TTLL1: variants seen among roughly 807,000 people sequenced by gnomAD.
TTLL1 encodes TTL family tubulin polyglutamylase complex subunit L1, also known as polyglutamylase complex subunit TTLL1.
A neutral mutation model predicts 47.8 loss-of-function variants in TTLL1; 33 were observed. The observed-to-expected ratio is 0.69, with a 90% CI of 0.52 to 0.92. The LOEUF is 0.92. TTLL1 is among the 40% of genes least tolerant of loss of function. The pLI, the probability that TTLL1 is intolerant of heterozygous loss-of-function variation, is 0.00. For synonymous variants in TTLL1, 225 were observed against 214.1 expected, an observed-to-expected ratio of 1.05 and a Z score of -0.45; for missense variants, 488 against 547.5, an observed-to-expected ratio of 0.89 and a Z score of 1.08.
intron 8 of TTLL1, among the ~76,000 whole-genome samples, chr22:43,057,856 G>A (rs958723327): frequency 6.6e-6 from 1 of 151,898 alleles, no homozygotes; most frequent in African/African-American, 2.4e-5. Context: ...TCCCAGCTCC[G>A]GGGCCTGGGC....
chr22:43,052,765 AAAAAG>A (rs931750641), intron 8 of TTLL1, among the ~76,000 whole-genome samples: 4 of 150,130 alleles, frequency 2.7e-5, no homozygotes, highest in Middle Eastern at 3.5e-3. Flanking sequence ...AACAAACAAA[AAAAAG>A]AAAACTGGCT....
chr22:43,042,166 C>A (rs1925737205), intron 10 of TTLL1, among the ~76,000 whole-genome samples: 1 of 152,198 alleles, frequency 6.6e-6, no homozygotes, highest in South Asian at 2.1e-4. Flanking sequence ...CGTGGCTGCC[C>A]CCAGCAGCTT....
chr22:43,069,954 C>G, intron 3 of TTLL1, 110 bp from the exon 4 acceptor site: 1 of 1,465,182 alleles, frequency 6.8e-7, no homozygotes, highest in Non-Finnish European at 9.1e-7. Flanking sequence ...CACCACTACT[C>G]CCACATCCCC....
chr22:43,050,022 G>A (rs573188916), intron 9 of TTLL1, among the ~76,000 whole-genome samples: 173 of 152,202 alleles, frequency 1.1e-3, no homozygotes, highest in African/African-American at 4.0e-3. Context: ...GCTTGAACCC[G>A]GGAGGCGGGG....
intron 2 of TTLL1, among the ~76,000 whole-genome samples, chr22:43,079,259 A>C (rs13056486): frequency 1.8e-3 from 64 of 35,110 alleles, no homozygotes; most frequent in South Asian, 3.9e-3. Context: ...ATGGGGGCCA[A>C]GGGAGCCGCA....
At chr22:43,040,132 T>G in intron 10 of TTLL1, 2 of 530,160 alleles carry the variant, frequency 3.8e-6, no homozygotes, top group Non-Finnish European at 6.8e-6. Flanking sequence ...CCAGCCTGCC[T>G]ATGTGTACAA....
At chr22:43,081,727 T>C (rs1928903430) in intron 1 of TTLL1, among the ~76,000 whole-genome samples, 1 of 151,766 alleles carries the variant, frequency 6.6e-6, no homozygotes, top group African/African-American at 2.4e-5. Context: ...TTTGTATTTT[T>C]ACTAGAGATG....
At chr22:43,048,039 C>T (rs887080109) in intron 9 of TTLL1, among the ~76,000 whole-genome samples, 3 of 152,048 alleles carry the variant, frequency 2.0e-5, no homozygotes, top group Non-Finnish European at 4.4e-5. Flanking sequence ...TATTAGGGGC[C>T]GGGCGCGGTG....
chr22:43,065,142 C>T (rs994444808), intron 5 of TTLL1, among the ~76,000 whole-genome samples: 4 of 152,032 alleles, frequency 2.6e-5, no homozygotes, highest in African/African-American at 7.2e-5. Flanking sequence ...AAGACTCCAT[C>T]TCAAAAAATA....
At chr22:43,051,352 C>T (rs1209351245) in intron 9 of TTLL1, among the ~76,000 whole-genome samples, 1 of 152,230 alleles carries the variant, frequency 6.6e-6, no homozygotes, top group East Asian at 1.9e-4. Context: ...AATCCACTTC[C>T]AAACTCTACC....
intron 8 of TTLL1, among the ~76,000 whole-genome samples, chr22:43,057,918 A>G (rs1040131343): frequency 2.0e-5 from 3 of 150,600 alleles, no homozygotes; most frequent in African/African-American, 7.4e-5. Flanking sequence ...CAAGACACCC[A>G]CTGGGGAAGC....
chr22:43,087,351 C>G (rs1005964989), intron 1 of TTLL1, among the ~76,000 whole-genome samples: 2 of 151,616 alleles, frequency 1.3e-5, no homozygotes, highest in Admixed American at 6.6e-5. Context: ...ATGGTGAAAC[C>G]CCGTCTCTAC....
chr22:43,067,416 AC>A (rs1485199301), intron 5 of TTLL1, among the ~76,000 whole-genome samples: 54 of 152,284 alleles, frequency 3.5e-4, no homozygotes, highest in Middle Eastern at 3.4e-3. Flanking sequence ...CAAACCCAGG[AC>A]CCTAGGGCCA....
intron 5 of TTLL1, among the ~76,000 whole-genome samples, chr22:43,066,174 T>TAA (rs149083003): frequency 1.4e-5 from 2 of 143,252 alleles, no homozygotes; most frequent in East Asian, 2.1e-4. Context: ...AAAAAAAAAT[T>TAA]AAAAAAAAAA....
At chr22:43,067,821 T>C (rs1379911411) in intron 5 of TTLL1, among the ~76,000 whole-genome samples, 1 of 151,782 alleles carries the variant, frequency 6.6e-6, no homozygotes, top group African/African-American at 2.4e-5. Flanking sequence ...CTTTCTTTTT[T>C]TTAGACAGAA....
At chr22:43,084,169 G>A (rs1929075738) in intron 1 of TTLL1, among the ~76,000 whole-genome samples, 1 of 151,690 alleles carries the variant, frequency 6.6e-6, no homozygotes, top group Admixed American at 6.6e-5. Context: ...TTTCTTTTTT[G>A]AGATGGAGTC....
Position 43,064,282 on chromosome 22 carries a change from G to A in TTLL1, c.546C>T (p.Leu182=). The A allele has an allele frequency of 6.2e-7, 1 of 1,614,064 alleles. No individual in the cohort carries two copies. Among genetic ancestry groups the A allele is most frequent in the Non-Finnish European group, 8.5e-7 (1 of 1,179,990 alleles). ...QSNKEAYVIS[L]YINNPLLIGG... ...CAATTAGTAACGGGTTGTTAATATA[G>A]AGAGAGATCACGTAGGCTTCCTTAT... Residue 182 remains leucine, a synonymous_variant, in exon 6 of 11, where the codon CTC becomes CTT. Transcript: ENST00000266254.
intron 1 of TTLL1, among the ~76,000 whole-genome samples, chr22:43,087,993 A>C (rs1408912524): frequency 1.3e-5 from 2 of 151,016 alleles, no homozygotes; most frequent in African/African-American, 4.9e-5. Context: ...ACTAAAATTT[A>C]AAAAATTAGC....
At chr22:43,085,373 C>A (rs750491165) in intron 1 of TTLL1, among the ~76,000 whole-genome samples, 1 of 152,194 alleles carries the variant, frequency 6.6e-6, no homozygotes, top group Admixed American at 6.5e-5. Context: ...TCATGTGATG[C>A]CCAAAGGCAG....
Sources: allele counts gnomAD v4.1 joint callset (sites outside exome capture counted in the v4.1 genomes callset), GRCh38; gene constraint gnomAD v4.1.1; transcripts MANE v1.5; gene names NCBI Gene and HGNC (gene_info 2026-07-23, HGNC 2026-07-21).